Variants in SNRNP200 observed in about 807,000 individuals in gnomAD.
SNRNP200 encodes U5 small nuclear ribonucleoprotein 200 kDa helicase.
In SNRNP200, 66 loss-of-function variants were observed where a neutral mutation model predicts 255.2. That is an observed-to-expected ratio of 0.26 (90% CI 0.21 to 0.32). The LOEUF (loss-of-function observed/expected upper bound fraction) is 0.32. SNRNP200 is among the 10% of genes least tolerant of loss of function. The probability of loss-of-function intolerance (pLI) is 1.00; values close to 1 mark genes in which losing one functional copy is unlikely to be tolerated. For missense variants in SNRNP200, 1,585 were observed against 2,749.8 expected (o/e 0.58, Z 9.47); for synonymous variants, 939 against 1,027.8 (o/e 0.91, Z 1.65).
At chr2:96,288,103 G>C (rs2063854876) in intron 24 of SNRNP200, 134 bp from the exon 25 acceptor site, 11 of 770,868 alleles carry the variant, frequency 1.4e-5, no homozygotes, top group South Asian at 1.1e-4. Flanking sequence ...AGTCCCCTCT[G>C]TCTTTACGCC....
intron 13 of SNRNP200, 98 bp from the exon 14 acceptor site, chr2:96,295,756 T>C (rs1324103466): frequency 3.2e-6 from 4 of 1,258,860 alleles, no homozygotes; most frequent in Non-Finnish European, 4.5e-6. Flanking sequence ...TGGGAGCAGG[T>C]ATCAACCCAT....
At chr2:96,300,693 G>A (rs1574001199) in intron 5 of SNRNP200, among the ~76,000 whole-genome samples, 1 of 152,028 alleles carries the variant, frequency 6.6e-6, no homozygotes, top group African/African-American at 2.4e-5. Context: ...AAACCTGGGA[G>A]GCAGAGCTTG....
At chr2:96,275,393 T>A in intron 43 of SNRNP200, 44 bp from the exon 44 acceptor site, 2 of 1,520,062 alleles carry the variant, frequency 1.3e-6, no homozygotes, top group Non-Finnish European at 1.8e-6. Flanking sequence ...TAAAACTTGA[T>A]GACCATAGGC....
At chr2:96,294,846 C>T (rs2063906727) in intron 14 of SNRNP200, among the ~76,000 whole-genome samples, 1 of 152,166 alleles carries the variant, frequency 6.6e-6, no homozygotes, top group African/African-American at 2.4e-5. Flanking sequence ...ATATTTCAGA[C>T]ATAGCTTCTT....
intron 9 of SNRNP200, 50 bp downstream of exon 9, chr2:96,298,234 T>C (rs754289069): frequency 1.9e-6 from 3 of 1,613,328 alleles, no homozygotes; most frequent in Non-Finnish European, 2.5e-6. Context: ...TGCAATCTTC[T>C]AGCCACCGTT....
chr2:96,289,949 C>A lies in SNRNP200; in HGVS notation c.2790G>T (p.Leu930=). Residue 930 remains leucine (L), a synonymous_variant, in exon 21 of 45, where the codon CTG becomes CTT. Coordinates refer to ENST00000323853, the MANE Select transcript of SNRNP200 (RefSeq NM_014014.5). ...LGYAYLYIRM[L]RSPTLYGISH... ...AGATGCCATAGAGGGTTGGGGATCG[C>A]AGCATTCGGATATAGAGGTAGGCAT... is the stretch of plus-strand genomic sequence containing the variant. The A allele has an allele frequency of 1.9e-6, 3 of 1,614,136 alleles. No individual in the cohort carries two copies. Among genetic ancestry groups the A allele is most frequent in the Non-Finnish European group, 2.5e-6 (3 of 1,180,018 alleles).
At chr2:96,282,458 C>T (rs1316767704) in intron 34 of SNRNP200, 2 of 179,184 alleles carry the variant, frequency 1.1e-5, no homozygotes, top group East Asian at 1.4e-4. Flanking sequence ...AATCAGAGCT[C>T]TCCTCTGTGC....
At chr2:96,279,075 A>C in intron 36 of SNRNP200, 77 bp from the exon 37 acceptor site, 3 of 1,193,750 alleles carry the variant, frequency 2.5e-6, no homozygotes, top group Non-Finnish European at 3.7e-6. Context: ...GCAAATCAAC[A>C]GGGCATGGTC....
chr2:96,294,942 G>A (rs1021557176), intron 14 of SNRNP200, among the ~76,000 whole-genome samples: 3 of 152,212 alleles, frequency 2.0e-5, no homozygotes, highest in Admixed American at 6.5e-5. Context: ...TAGGCGCAGT[G>A]GCTCACGCTT....
intron 3 of SNRNP200, 35 bp downstream of exon 3, chr2:96,303,124 A>C (rs202102597): frequency 1.9e-6 from 3 of 1,603,540 alleles, no homozygotes; most frequent in East Asian, 4.5e-5. Flanking sequence ...AAATGAAATA[A>C]AGACCTAATA....
chr2:96,304,197 G>C (rs1470666863), intron 2 of SNRNP200, among the ~76,000 whole-genome samples: 5 of 150,854 alleles, frequency 3.3e-5, no homozygotes, highest in Non-Finnish European at 7.4e-5. Flanking sequence ...AGGATCAAAA[G>C]ATAATGATGA....
rs781777500 is a variant in SNRNP200 at position 96,290,717 on chromosome 2, A to G, written c.2520T>C (p.Arg840=). The stretch of plus-strand genomic sequence containing the variant: ...TGTCCAGTGCTCCCAGTTCTGTCCA[A>G]CGCCCCTTCTCTGGACTGTACACCT... The part of the protein sequence containing the change: ...GTQVYSPEKG[R]WTELGALDIL... Residue 840 remains arginine (R), a synonymous_variant, in exon 19 of 45, where the codon CGT becomes CGC. Coordinates refer to ENST00000323853, the MANE Select transcript of SNRNP200 (RefSeq NM_014014.5). The surrounding 1 kb of genome is among the most constrained non-coding windows in gnomAD (Gnocchi z 4.5). 25 of 1,614,072 alleles carry G rather than the reference A, an allele frequency of 1.5e-5. No homozygotes were observed. The South Asian group carries it at 2.0e-4, about 13-fold the overall frequency.
In SNRNP200 at chr2:96,291,279, C is replaced by T; in HGVS notation, c.2421+113G>A. On this transcript the variant is annotated intron_variant, in intron 18 of 44. Transcript: ENST00000323853. This position sits in a 1 kb window ranked among gnomAD's most constrained non-coding sequence, Gnocchi z 4.2. The stretch of plus-strand genomic sequence containing the variant: ...GTCCACCACAACCCTCTGACCTGGG[C>T]TAGCTGGGCCAGAAGCAATAAAGTA... The T allele has an allele frequency of 1.3e-6, 1 of 782,128 alleles. No homozygotes were observed. 48.4% of individuals were successfully genotyped at this position (782,128 alleles called of 1,614,324 possible).
intron 34 of SNRNP200, chr2:96,282,812 A>G (rs2063811990): frequency 3.0e-6 from 1 of 334,890 alleles, no homozygotes; most frequent in African/African-American, 2.1e-5. Flanking sequence ...AACTGAGTCA[A>G]TTAAACCTCC....
intron 8 of SNRNP200, 32 bp downstream of exon 8, chr2:96,298,571 C>T: frequency 1.2e-6 from 2 of 1,605,900 alleles, no homozygotes; most frequent in Non-Finnish European, 1.7e-6. Flanking sequence ...CATATGTACT[C>T]ACTCTGCAGG....
At chr2:96,284,201 CA>C in intron 31 of SNRNP200, 156 bp downstream of exon 31, 2 of 877,296 alleles carry the variant, frequency 2.3e-6, no homozygotes, top group Non-Finnish European at 1.9e-6. Flanking sequence ...AAAGTACTAC[CA>C]AAAAAGTTAA....
intron 1 of SNRNP200, 110 bp from the exon 2 acceptor site, chr2:96,304,978 A>G: frequency 8.5e-7 from 1 of 1,174,490 alleles, no homozygotes; most frequent in Non-Finnish European, 1.2e-6. Flanking sequence ...GCTTATCATC[A>G]CTAATCGTAA....
Position 96,279,088 on chromosome 2 carries a change from T to C in SNRNP200, c.5134-90A>G. ...GGGCAAATCAACAGGGCATGGTCCC[T>C]GTGTGAGACCTAACTAATACCAAAA... On this transcript the variant is annotated intron_variant, in intron 36 of 44. Transcript: ENST00000323853. 6 of 1,055,282 alleles carry C rather than the reference T, an allele frequency of 5.7e-6. No individual in the cohort carries two copies. In the South Asian group the frequency reaches 7.7e-5, roughly 14 times the overall value. 65.4% of individuals were successfully genotyped at this position (1,055,282 alleles called of 1,614,324 possible).
In SNRNP200 at chr2:96,289,984, A is replaced by G; in HGVS notation, c.2755T>C (p.Trp919Arg). The G allele has an allele frequency of 6.2e-7, 1 of 1,614,204 alleles. No individual in the cohort carries two copies. The highest frequency in any genetic ancestry group is 8.5e-7 in the Non-Finnish European group (1 of 1,180,022). ...ATATAGAGGTAGGCATAGCCCAGCC[A>G]GTTCACCGCATCCTACAAGACACAG... ...NVQNAKDAVNWLGYAYLYIRM... is the reference protein window; with the variant it reads ...NVQNAKDAVNRLGYAYLYIRM... Residue 919 changes from tryptophan (W) to arginine (R), a missense_variant, in exon 21 of 45, where the codon TGG (tryptophan) becomes CGG (arginine). By Grantham distance (101) the Trp-to-Arg change is moderately radical. This residue lies in a region of SNRNP200 where 719 missense variants were observed against 1,091.1 expected (regional missense o/e 0.66). Coordinates refer to ENST00000323853, the MANE Select transcript of SNRNP200 (RefSeq NM_014014.5).
Sources: allele counts gnomAD v4.1 joint callset (sites outside exome capture counted in the v4.1 genomes callset), GRCh38; gene constraint gnomAD v4.1.1; regional missense constraint gnomAD v4.1.1; non-coding constraint Gnocchi (gnomAD v3.1); transcripts MANE v1.5; gene names NCBI Gene and HGNC (gene_info 2026-07-23, HGNC 2026-07-21).